The following CABIN1 variants were observed in gnomAD, a reference collection of about 807,000 sequenced individuals.
CABIN1 encodes calcineurin binding protein 1, also known as calcineurin-binding protein cabin-1.
Under a neutral mutation model 227.7 loss-of-function variants are expected in CABIN1, and 133 were observed. That is an observed-to-expected ratio of 0.58 (90% CI 0.51 to 0.67). The LOEUF (loss-of-function observed/expected upper bound fraction) is 0.67. Ranked by LOEUF, CABIN1 falls within the 30% of genes least tolerant of loss-of-function variation. CABIN1 has a pLI of 0.00. For synonymous variants in CABIN1, 1,086 were observed against 1,155.1 expected (o/e 0.94, Z 1.21); for missense variants, 2,408 against 2,852.5 (o/e 0.84, Z 3.55).
chr22:24,065,767 C>T (rs1193324250), intron 15 of CABIN1, among the ~76,000 whole-genome samples: 5 of 152,244 alleles, frequency 3.3e-5, no homozygotes, highest in South Asian at 2.1e-4. Flanking sequence ...CTCGGGAGGC[C>T]GAGGCTGGCG....
At chr22:24,078,149 G>A (rs2040563571) in intron 19 of CABIN1, among the ~76,000 whole-genome samples, 1 of 152,026 alleles carries the variant, frequency 6.6e-6, no homozygotes, top group Non-Finnish European at 1.5e-5. Flanking sequence ...GCCACATGCT[G>A]TCCTGTCTAC....
At chr22:24,159,354 A>G (rs1418800244) in intron 29 of CABIN1, among the ~76,000 whole-genome samples, 1 of 152,246 alleles carries the variant, frequency 6.6e-6, no homozygotes, top group Non-Finnish European at 1.5e-5. Flanking sequence ...AGGCCGGGCC[A>G]AGCCCAAGAA....
chr22:24,104,846 G>C (rs574923547), intron 26 of CABIN1, among the ~76,000 whole-genome samples: 2 of 152,258 alleles, frequency 1.3e-5, no homozygotes, highest in East Asian at 3.9e-4. Flanking sequence ...TTTCCTGGTC[G>C]GCAGGACATT....
chr22:24,168,612 T>C (rs959741287), intron 33 of CABIN1, 91 bp downstream of exon 33: 1 of 1,050,916 alleles, frequency 9.5e-7, no homozygotes, highest in Non-Finnish European at 1.4e-6. Context: ...AGATCCACTC[T>C]TGGGACTGTT....
chr22:24,065,720 C>T (rs1354532227), intron 15 of CABIN1, among the ~76,000 whole-genome samples: 1 of 152,266 alleles, frequency 6.6e-6, no homozygotes, highest in African/African-American at 2.4e-5. Context: ...CACCATTGAG[C>T]ACTGAGTGAA....
intron 29 of CABIN1, among the ~76,000 whole-genome samples, chr22:24,156,807 G>A (rs549263818): frequency 6.6e-6 from 1 of 152,270 alleles, no homozygotes; most frequent in East Asian, 1.9e-4. Context: ...AGAGTTGGCG[G>A]CGGGGCTCTC....
intron 29 of CABIN1, 43 bp downstream of exon 29, chr22:24,134,458 A>G (rs1184682897): frequency 6.7e-7 from 1 of 1,495,960 alleles, no homozygotes; most frequent in Non-Finnish European, 9.3e-7. Flanking sequence ...GTTTGTTGCC[A>G]CTGCTTTTCA....
At chr22:24,090,023 G>C (rs562284075) in intron 23 of CABIN1, among the ~76,000 whole-genome samples, 3 of 152,212 alleles carry the variant, frequency 2.0e-5, no homozygotes, top group Non-Finnish European at 2.9e-5. Context: ...CTGCTCTGAG[G>C]ATGGCAAGGT....
At position 24,141,599 on chromosome 22, in the gene CABIN1, C is replaced by A. The variant is rs374158103; in HGVS notation, c.4746+7184C>A. On this transcript the variant is annotated intron_variant, in intron 29 of 36. Coordinates refer to ENST00000263119, the MANE Select transcript of CABIN1 (RefSeq NM_012295.4). ...CCCTCCCACCAGCCCTTGCCCCACC[C>A]CCTCCCAGGACTCAGAACCACAGAT... Among the ~76,000 whole-genome samples the A allele has an allele frequency of 3.3e-5, 5 of 152,282 alleles. No homozygotes were observed. In the East Asian group the frequency reaches 9.7e-4, roughly 30 times the overall value.
intron 28 of CABIN1, among the ~76,000 whole-genome samples, chr22:24,125,929 C>A (rs1016042345): frequency 6.6e-6 from 1 of 152,188 alleles, no homozygotes; most frequent in African/African-American, 2.4e-5. Flanking sequence ...CAGGTTGCCC[C>A]CATACTGGCT....
chr22:24,044,142 C>G (rs1447085908), intron 6 of CABIN1, among the ~76,000 whole-genome samples: 3 of 152,154 alleles, frequency 2.0e-5, no homozygotes, highest in Non-Finnish European at 4.4e-5. Flanking sequence ...CCCTAAGATG[C>G]TAGGTTGAGA....
intron 29 of CABIN1, among the ~76,000 whole-genome samples, chr22:24,147,674 G>A (rs1319449534): frequency 6.6e-6 from 1 of 151,886 alleles, no homozygotes; most frequent in Non-Finnish European, 1.5e-5. Context: ...AAACTCCTGG[G>A]CTCAAGCAAT....
At chr22:24,056,944 T>G (rs1569139096) in intron 10 of CABIN1, among the ~76,000 whole-genome samples, 1 of 132,056 alleles carries the variant, frequency 7.6e-6, no homozygotes, top group Non-Finnish European at 1.5e-5. Flanking sequence ...TCCTTCTGCC[T>G]TTTTTTTTTT....
At chr22:24,019,513 G>A (rs990293982) in intron 1 of CABIN1, among the ~76,000 whole-genome samples, 11 of 150,390 alleles carry the variant, frequency 7.3e-5, no homozygotes, top group African/African-American at 1.7e-4. Flanking sequence ...CCTCAGCCTC[G>A]CAGAGCACTG....
At chr22:24,146,092 G>C (rs1483069210) in intron 29 of CABIN1, among the ~76,000 whole-genome samples, 1 of 152,148 alleles carries the variant, frequency 6.6e-6, no homozygotes, top group Non-Finnish European at 1.5e-5. Context: ...GGGATCAAAG[G>C]AAACCCAGTC....
Position 24,055,000 on chromosome 22 carries a change from T to G in CABIN1, c.934T>G (p.Ser312Ala). 6.2e-7 allele frequency: 1 copy of G among 1,614,146 alleles called. No homozygotes were observed. The highest frequency in any genetic ancestry group is 8.5e-7 in the Non-Finnish European group (1 of 1,180,018). Reference sequence around the variant, plus strand: ...CCAGGACCCCAGCCAGCCTCTTGAGTCCTCCATGGTGGTGACGCCAGTTAA... The same window carrying G: ...CCAGGACCCCAGCCAGCCTCTTGAGGCCTCCATGGTGGTGACGCCAGTTAA... ...DYQDPSQPLE[S>A]SMVVTPVNVI... The change falls in exon 9 of 37, where the codon TCC (serine) becomes GCC (alanine). Residue 312 changes from serine (S) to alanine (A), a missense_variant. Physicochemically the swap from Ser to Ala is moderately conservative, Grantham distance 99 (BLOSUM62 1). Coordinates refer to ENST00000263119, the MANE Select transcript of CABIN1 (RefSeq NM_012295.4).
rs1042174487 is a variant in CABIN1 at position 24,171,877 on chromosome 22, A to G, written c.5922A>G (p.Thr1974=). The G allele has an allele frequency of 5.6e-6, 9 of 1,614,094 alleles. No homozygotes were observed. Among genetic ancestry groups the G allele is most frequent in the Non-Finnish European group, 6.8e-6 (8 of 1,180,032 alleles). Residue 1974 remains threonine (T), a synonymous_variant, in exon 34 of 37, where the codon ACA becomes ACG. Coordinates refer to ENST00000263119, the MANE Select transcript of CABIN1 (RefSeq NM_012295.4). The stretch of plus-strand genomic sequence containing the variant: ...CTCGCCCTGCACTAGCTGCCGCCAC[A>G]ACTATTATCACCTGCCCTCCGTCAG... ...TKPRPALAAA[T]TIITCPPSAS... is the part of the protein sequence containing the mutation.
chr22:24,015,270 CAAAAAAAAAAAAAA>C (rs1199906542), intron 1 of CABIN1, among the ~76,000 whole-genome samples: 5 of 50,692 alleles, frequency 9.9e-5, no homozygotes, highest in African/African-American at 1.6e-4. Flanking sequence ...AATCCATCTC[CAAAAAAAAAAAAAA>C]AAAAAAAAAA....
intron 24 of CABIN1, among the ~76,000 whole-genome samples, chr22:24,093,992 C>T (rs943711496): frequency 1.6e-4 from 24 of 152,210 alleles, no homozygotes; most frequent in African/African-American, 5.5e-4. Flanking sequence ...AGCTTGGCTG[C>T]GCTCATTCGC....
Sources: allele counts gnomAD v4.1 joint callset (sites outside exome capture counted in the v4.1 genomes callset), GRCh38; gene constraint gnomAD v4.1.1; transcripts MANE v1.5; gene names NCBI Gene and HGNC (gene_info 2026-07-23, HGNC 2026-07-21).